The following POU6F2 variants were observed in gnomAD, a reference collection of about 807,000 sequenced individuals.
POU6F2 encodes POU class 6 homeobox 2, also known as POU domain, class 6, transcription factor 2.
In POU6F2, 31 loss-of-function variants were observed where a neutral mutation model predicts 71.3. That is an observed-to-expected ratio of 0.43 (90% CI 0.33 to 0.59). The LOEUF is 0.59. POU6F2 is among the 20% of genes least tolerant of loss of function. The pLI is 0.04. For missense variants in POU6F2, 783 were observed against 856.8 expected, an observed-to-expected ratio of 0.91 and a Z score of 1.07; for synonymous variants, 347 against 355.7, an observed-to-expected ratio of 0.98 and a Z score of 0.27.
chr7:39,260,182 C>T lies in POU6F2; in HGVS notation c.598+52562C>T, dbSNP rs570032484. ...CACACCGCACACACTCCATACTGTG[C>T]TCACACCACACACACAATACCACAC... is the stretch of plus-strand genomic sequence containing the variant. On this transcript the variant is annotated intron_variant, in intron 4 of 9. Coordinates refer to ENST00000518318, the MANE Select transcript of POU6F2 (RefSeq NM_001370959.1). 2.3e-3 allele frequency among the ~76,000 whole-genome samples: 336 copies of T among 149,322 alleles called. 1 individual carries two copies. The highest frequency in any genetic ancestry group is 4.0e-3 in the Non-Finnish European group (267 of 67,290).
chr7:39,292,208 C>T (rs1350382937), intron 4 of POU6F2, among the ~76,000 whole-genome samples: 2 of 152,194 alleles, frequency 1.3e-5, no homozygotes, highest in African/African-American at 2.4e-5. Flanking sequence ...AGATGTGAAA[C>T]CTATAAGAGT....
intron 1 of POU6F2, chr7:39,006,948 G>T: frequency 7.2e-7 from 1 of 1,396,432 alleles, no homozygotes. Context: ...GTATAAAATC[G>T]GAGGGAAATA....
intron 2 of POU6F2, among the ~76,000 whole-genome samples, chr7:39,156,444 GATTA>G (rs949668231): frequency 9.2e-5 from 14 of 152,070 alleles, no homozygotes; most frequent in Non-Finnish European, 1.3e-4. Flanking sequence ...CTGTGCTTTA[GATTA>G]ATTGAGATAA....
chr7:39,344,605 T>C (rs1335819912), intron 5 of POU6F2, among the ~76,000 whole-genome samples: 1 of 151,802 alleles, frequency 6.6e-6, no homozygotes, highest in Non-Finnish European at 1.5e-5. Flanking sequence ...TCTCCAATCA[T>C]GGGTCTGCCC....
chr7:39,094,336 G>A (rs940703092), intron 2 of POU6F2, among the ~76,000 whole-genome samples: 6 of 152,064 alleles, frequency 3.9e-5, no homozygotes, highest in Admixed American at 1.3e-4. Flanking sequence ...GAAGACTCTT[G>A]GGATCTAAAT....
intron 5 of POU6F2, among the ~76,000 whole-genome samples, chr7:39,354,836 A>G (rs1231035867): frequency 6.6e-6 from 1 of 152,248 alleles, no homozygotes; most frequent in Non-Finnish European, 1.5e-5. Context: ...CCTTTCCTGA[A>G]GGAAATCATC....
At chr7:39,121,442 C>A (rs1006884936) in intron 2 of POU6F2, among the ~76,000 whole-genome samples, 1 of 152,166 alleles carries the variant, frequency 6.6e-6, no homozygotes, top group African/African-American at 2.4e-5. Context: ...CCAGGTGGCA[C>A]AATTAAGAAT....
chr7:39,087,312 T>C (rs73373260), intron 2 of POU6F2, among the ~76,000 whole-genome samples: 1 of 151,946 alleles, frequency 6.6e-6, no homozygotes, highest in Non-Finnish European at 1.5e-5. Flanking sequence ...ATTAGAGAGA[T>C]GTCACAGAGA....
At chr7:39,432,404 A>G (rs1371572319) in intron 6 of POU6F2, among the ~76,000 whole-genome samples, 1 of 152,212 alleles carries the variant, frequency 6.6e-6, no homozygotes, top group African/African-American at 2.4e-5. Flanking sequence ...AAGCTTGTTT[A>G]TAATCTCAAT....
chr7:39,013,687 C>G (rs920236145), intron 1 of POU6F2: 2 of 152,168 alleles, frequency 1.3e-5, no homozygotes, highest in Non-Finnish European at 1.5e-5. Context: ...TGTTCCATAG[C>G]ATAAAGAAGG....
chr7:39,149,680 C>T (rs73124463), intron 2 of POU6F2, among the ~76,000 whole-genome samples: 16,993 of 152,166 alleles, frequency 0.11, 1,032 homozygotes, highest in Middle Eastern at 0.15. Context: ...TTTCCTCACC[C>T]TCTACCTCCT....
chr7:39,161,442 A>G (rs62442232), intron 2 of POU6F2, among the ~76,000 whole-genome samples: 15,169 of 152,240 alleles, frequency 0.1, 946 homozygotes, highest in Middle Eastern at 0.14. Flanking sequence ...GTATTTCTCC[A>G]GTTTTCAATC....
chr7:39,113,514 A>G (rs533120448), intron 2 of POU6F2, among the ~76,000 whole-genome samples: 13 of 152,310 alleles, frequency 8.5e-5, no homozygotes, highest in Non-Finnish European at 1.9e-4. Flanking sequence ...CCCTCAAGTT[A>G]CATAGACGAA....
chr7:39,074,920 G>A (rs1014856184), intron 1 of POU6F2, among the ~76,000 whole-genome samples: 6 of 152,116 alleles, frequency 3.9e-5, no homozygotes, highest in Admixed American at 6.5e-5. Flanking sequence ...TCCATCCCAT[G>A]AGGCATATAC....
intron 1 of POU6F2, among the ~76,000 whole-genome samples, chr7:38,986,630 A>T (rs73369734): frequency 0.023 from 3,569 of 152,288 alleles, 140 homozygotes; most frequent in African/African-American, 0.082. Flanking sequence ...AGTTAATTAC[A>T]TGGTAGACTC....
intron 5 of POU6F2, among the ~76,000 whole-genome samples, chr7:39,377,466 T>C (rs1342740884): frequency 5.3e-5 from 8 of 152,180 alleles, no homozygotes; most frequent in Admixed American, 1.3e-4. Flanking sequence ...AAAGAAATCA[T>C]TTCCTTAGTA....
intron 5 of POU6F2, among the ~76,000 whole-genome samples, chr7:39,396,495 A>G (rs10248165): frequency 0.52 from 78,257 of 151,896 alleles, 20,833 homozygotes; most frequent in East Asian, 0.75. Flanking sequence ...TCTCTCCAGC[A>G]TACTTCTAGA....
chr7:39,191,385 C>T (rs1793660908), intron 2 of POU6F2, among the ~76,000 whole-genome samples: 1 of 152,036 alleles, frequency 6.6e-6, no homozygotes, highest in Admixed American at 6.6e-5. Flanking sequence ...TATTTAGGGT[C>T]ATTGTCTGTG....
chr7:39,110,475 C>T (rs1180354265), intron 2 of POU6F2, among the ~76,000 whole-genome samples: 1 of 151,942 alleles, frequency 6.6e-6, no homozygotes, highest in East Asian at 1.9e-4. Flanking sequence ...TGTCTTTTCC[C>T]ATTCCTACAT....
Sources: gnomAD v4.1 joint callset for allele counts (sites outside exome capture counted in the v4.1 genomes callset) on GRCh38, gnomAD v4.1.1 for gene constraint, MANE v1.5 for transcripts, NCBI Gene and HGNC (gene_info 2026-07-23, HGNC 2026-07-21) for gene names.